KIAA1614: variants seen among roughly 807,000 people sequenced by gnomAD.
KIAA1614 encodes the protein uncharacterized protein KIAA1614.
Under a neutral mutation model 88.7 loss-of-function variants are expected in KIAA1614, and 76 were observed. The ratio of observed to expected loss-of-function variants is 0.86; its 90% CI spans 0.71 to 1.04. The LOEUF (loss-of-function observed/expected upper bound fraction) is 1.04. Ranked by LOEUF, KIAA1614 falls within the 50% of genes least tolerant of loss-of-function variation. KIAA1614 has a pLI of 0.00. For synonymous variants in KIAA1614, 714 were observed against 675.5 expected, an observed-to-expected ratio of 1.06 and a Z score of -0.88; for missense variants, 1,553 against 1,582.5, an observed-to-expected ratio of 0.98 and a Z score of 0.32.
chr1:180,929,671 C>T (rs1317781340), intron 4 of KIAA1614, among the ~76,000 whole-genome samples: 1 of 152,250 alleles, frequency 6.6e-6, no homozygotes, highest in Non-Finnish European at 1.5e-5. Context: ...TGAAGAATCA[C>T]TTACATGTGG....
At chr1:180,927,731 G>A (rs745546607) in intron 3 of KIAA1614, among the ~76,000 whole-genome samples, 60 of 152,286 alleles carry the variant, frequency 3.9e-4, no homozygotes, top group Non-Finnish European at 6.9e-4. Flanking sequence ...AGGGGGTGGG[G>A]GCTGGTGGAG....
At position 180,935,240 on chromosome 1, in the gene KIAA1614, G is replaced by GC; in HGVS notation, c.1335dup (p.Ser446LeufsTer8). ...AGCGGTGGGCACAGGCCGAGGCGGG[G>GC]CCCCTCGCCGTCGCACGTGCGCTTT... is the stretch of plus-strand genomic sequence containing the variant. On this transcript the variant is annotated frameshift_variant, in exon 5 of 9. Transcript: ENST00000367588. LOFTEE classifies it high-confidence loss of function. The surrounding 1 kb of genome is among the most constrained non-coding windows in gnomAD (Gnocchi z 6.1). 1 of 1,531,132 alleles carries GC rather than the reference G, an allele frequency of 6.5e-7. No individual in the cohort carries two copies. The highest frequency in any genetic ancestry group is 8.8e-7 in the Non-Finnish European group (1 of 1,142,382). The allele number at this position is 1,531,132 out of a possible 1,614,324, so 94.8% of individuals were successfully genotyped here.
chr1:180,929,045 CAG>C (rs1654136956), intron 4 of KIAA1614, among the ~76,000 whole-genome samples: 1 of 152,210 alleles, frequency 6.6e-6, no homozygotes, highest in Non-Finnish European at 1.5e-5. Context: ...AGTGAGGCGA[CAG>C]AGGAGCGCAA....
At chr1:180,927,583 G>C (rs183690931) in intron 3 of KIAA1614, among the ~76,000 whole-genome samples, 306 of 152,344 alleles carry the variant, frequency 2.0e-3, no homozygotes, top group African/African-American at 6.3e-3. Flanking sequence ...ACAACGTCTT[G>C]TCAGTGGGAG....
Position 180,950,290 on chromosome 1 carries a change from A to G in KIAA1614, c.*4702A>G. The stretch of plus-strand genomic sequence containing the variant: ...AACATGGTCAGCATTCCAGAGATGC[A>G]CTTCTTCGATTTGGGTGTCATTGTG... On this transcript the variant is annotated 3_prime_UTR_variant, in exon 9 of 9. Transcript: ENST00000367588. 1 of 1,121,280 alleles carries G rather than the reference A, an allele frequency of 8.9e-7. No individual in the cohort carries two copies. Among genetic ancestry groups the G allele is most frequent in the Admixed American group, 4.2e-5 (1 of 24,096 alleles). The allele number at this position is 1,121,280 out of a possible 1,614,324, so 69.5% of individuals were successfully genotyped here.
Position 180,916,935 on chromosome 1 carries a change from G to T in KIAA1614, c.832G>T (p.Ala278Ser). The change falls in exon 2 of 9, where the codon GCT (alanine) becomes TCT (serine). Residue 278 changes from alanine (A) to serine (S), a missense_variant. By Grantham distance (99) the Ala-to-Ser change is moderately conservative. Transcript: ENST00000367588. ...RTALLGERWR[A>S]GDLEALGAGS... ...GGCCCTGCTGGGTGAGCGCTGGAGA[G>T]CTGGAGACCTGGAGGCTCTGGGCGC... 1 of 1,614,256 alleles carries T rather than the reference G, an allele frequency of 6.2e-7. No homozygotes were observed. Among genetic ancestry groups the T allele is most frequent in the Non-Finnish European group, 8.5e-7 (1 of 1,180,052 alleles).
At chr1:180,914,311 A>G (rs932480477) in intron 1 of KIAA1614, among the ~76,000 whole-genome samples, 4 of 152,256 alleles carry the variant, frequency 2.6e-5, no homozygotes, top group African/African-American at 9.6e-5. Flanking sequence ...AACATCAGCC[A>G]TGCTGCTAAG....
rs531547441 is a variant in KIAA1614 at position 180,926,673 on chromosome 1, G to A, written c.1062-1757G>A. Among the ~76,000 whole-genome samples the A allele has an allele frequency of 2.2e-3, 340 of 152,340 alleles. 1 individual carries two copies. Among genetic ancestry groups the A allele is most frequent in the African/African-American group, 7.9e-3 (327 of 41,574 alleles). ...CAGCCGTGGAACCACAGCTGTCACCGGAAGGCTCCGAGTGTGCGGGCTGGC... is the reference window on the plus strand; with the variant it reads ...CAGCCGTGGAACCACAGCTGTCACCAGAAGGCTCCGAGTGTGCGGGCTGGC... On this transcript the variant is annotated intron_variant, in intron 3 of 8. Coordinates refer to ENST00000367588, the MANE Select transcript of KIAA1614 (RefSeq NM_020950.2).
rs1481435679 is a variant in KIAA1614 at position 180,936,525 on chromosome 1, A to G, written c.2616A>G (p.Pro872=). The change falls in exon 5 of 9, where the codon CCA becomes CCG. Residue 872 remains proline (P), a synonymous_variant. Transcript: ENST00000367588. ...TQPSRPQVRH[P]LLALSTNNCN... is the part of the protein sequence containing the mutation. ...CCAGCCGCCCTCAGGTCAGGCACCCACTGCTGGCCCTGTCCACCAACAACT... is the reference window on the plus strand; with the variant it reads ...CCAGCCGCCCTCAGGTCAGGCACCCGCTGCTGGCCCTGTCCACCAACAACT... 2.5e-6 allele frequency: 4 copies of G among 1,613,872 alleles called. No individual in the cohort carries two copies. The highest frequency in any genetic ancestry group is 1.7e-5 in the Admixed American group (1 of 59,976).
rs1227979232 is a variant in KIAA1614, at chr1:180,950,566, C to T, written c.*4978C>T. ...GTGCCGCTGCCCTCACTGTCACGGC[C>T]TCGGAAGCCCTGAAGCACTCAGGGT... On this transcript the variant is annotated 3_prime_UTR_variant, in exon 9 of 9. Coordinates refer to ENST00000367588, the MANE Select transcript of KIAA1614 (RefSeq NM_020950.2). 5 of 1,072,974 alleles carry T rather than the reference C, an allele frequency of 4.7e-6. No homozygotes were observed. The highest frequency in any genetic ancestry group is 2.2e-5 in the South Asian group (1 of 44,806). 66.5% of individuals were successfully genotyped at this position (1,072,974 alleles called of 1,614,324 possible).
Position 180,936,416 on chromosome 1 carries a change from A to G in KIAA1614, c.2507A>G (p.Gln836Arg), listed in dbSNP as rs1232042209. 3.7e-6 allele frequency: 6 copies of G among 1,614,164 alleles called. No homozygotes were observed. The Admixed American group carries it at 1.0e-4, about 27-fold the overall frequency. The change falls in exon 5 of 9, where the codon CAG (glutamine) becomes CGG (arginine). Residue 836 changes from glutamine to arginine, a missense_variant. Gln to Arg is a conservative substitution (Grantham distance 43). Transcript: ENST00000367588. ...ALAGLLRLGD[Q>R]TEPVGIPRPP... ...GCTGGACTGCTCAGGCTGGGTGACC[A>G]GACAGAGCCTGTGGGTATCCCTCGG...
At chr1:180,929,446 A>G (rs1284918135) in intron 4 of KIAA1614, among the ~76,000 whole-genome samples, 1 of 152,170 alleles carries the variant, frequency 6.6e-6, no homozygotes, top group Non-Finnish European at 1.5e-5. Context: ...TCCACTGGAA[A>G]TGCCCACCAG....
chr1:180,922,054 G>C (rs928067540), intron 3 of KIAA1614, among the ~76,000 whole-genome samples: 14 of 152,250 alleles, frequency 9.2e-5, no homozygotes, highest in Admixed American at 2.6e-4. Flanking sequence ...AGGCTCAGGA[G>C]CCCGCGCCAG....
Position 180,929,539 on chromosome 1 carries a change from C to T in KIAA1614, c.1205+966C>T, listed in dbSNP as rs558829561. 6.2e-4 allele frequency among the ~76,000 whole-genome samples: 95 copies of T among 152,294 alleles called. 2 individuals carry two copies. The highest frequency in any genetic ancestry group is 3.4e-3 in the Middle Eastern group (1 of 294). On this transcript the variant is annotated intron_variant, in intron 4 of 8. Coordinates refer to ENST00000367588, the MANE Select transcript of KIAA1614 (RefSeq NM_020950.2). Reference sequence around the variant, plus strand: ...ATCCCTGATTTCATAATGCTACAGCCGTGGTAAGGTAGGAAAACAACAAGG... The same window carrying T: ...ATCCCTGATTTCATAATGCTACAGCTGTGGTAAGGTAGGAAAACAACAAGG...
chr1:180,928,353 C>T lies in KIAA1614; in HGVS notation c.1062-77C>T, dbSNP rs1000633000. ...TTTCTGGCACAGCCAGTGCTTGACA[C>T]TGCTAAAGCCCTCCTAATCTGCGTT... On this transcript the variant is annotated intron_variant, in intron 3 of 8. Transcript: ENST00000367588. 7 of 1,416,612 alleles carry T rather than the reference C, an allele frequency of 4.9e-6. No individual in the cohort carries two copies. The African/African-American group carries it at 8.8e-5, about 18-fold the overall frequency. The allele number at this position is 1,416,612 out of a possible 1,614,324, so 87.8% of individuals were successfully genotyped here. A position where few individuals can be genotyped will look rare whatever the true frequency, so the allele number is the denominator to read the frequency against.
chr1:180,950,206 C>T lies in KIAA1614; in HGVS notation c.*4618C>T. ...AGGGGTGTGTGTATGTGTGCATGCG[C>T]ACAGAGAAGTGCCTGGTATGAGCAC... On this transcript the variant is annotated 3_prime_UTR_variant, in exon 9 of 9. Coordinates refer to ENST00000367588, the MANE Select transcript of KIAA1614 (RefSeq NM_020950.2). 2.5e-6 allele frequency: 1 copy of T among 406,174 alleles called. No homozygotes were observed. The allele number at this position is 406,174 out of a possible 1,614,324, so 25.2% of individuals were successfully genotyped here. A position where few individuals can be genotyped will look rare whatever the true frequency, so the allele number is the denominator to read the frequency against.
chr1:180,914,572 CAG>C (rs1653736074), intron 1 of KIAA1614, among the ~76,000 whole-genome samples: 1 of 151,972 alleles, frequency 6.6e-6, no homozygotes, highest in South Asian at 2.1e-4. Context: ...TTTTTTGAGA[CAG>C]AGTCTCGCTC....
chr1:180,927,117 G>A (rs2102263348), intron 3 of KIAA1614, among the ~76,000 whole-genome samples: 1 of 152,246 alleles, frequency 6.6e-6, no homozygotes, highest in South Asian at 2.1e-4. Context: ...GCCTTCCTTG[G>A]AGGCCTCAGA....
In KIAA1614 at chr1:180,945,539, A is replaced by G. The variant is rs1458669796; in HGVS notation, c.3524A>G (p.Gln1175Arg). The change falls in exon 9 of 9, where the codon CAA becomes CGA. Residue 1175 changes from glutamine to arginine, a missense_variant. By Grantham distance (43) the Gln-to-Arg change is conservative. Transcript: ENST00000367588. Reference sequence around the variant, plus strand: ...CATGGCTGGGGCGGCCTTAGCAAACAAGGCAGGGCCTTCTGGCTGTGGTCA... The same window carrying G: ...CATGGCTGGGGCGGCCTTAGCAAACGAGGCAGGGCCTTCTGGCTGTGGTCA... ...QPHGWGGLSK[Q>R]GRAFWLWSEA... 1 of 1,613,648 alleles carries G rather than the reference A, an allele frequency of 6.2e-7. No individual in the cohort carries two copies. Among genetic ancestry groups the G allele is most frequent in the South Asian group, 1.1e-5 (1 of 91,054 alleles).
Sources: allele counts gnomAD v4.1 joint callset (sites outside exome capture counted in the v4.1 genomes callset), GRCh38; gene constraint gnomAD v4.1.1; non-coding constraint Gnocchi (gnomAD v3.1); transcripts MANE v1.5; gene names NCBI Gene and HGNC (gene_info 2026-07-23, HGNC 2026-07-21).